DSCAM: variants seen among roughly 807,000 people sequenced by gnomAD.
The protein encoded by DSCAM is DS cell adhesion molecule.
In DSCAM, 47 loss-of-function variants were observed where a neutral mutation model predicts 217.7. The ratio of observed to expected loss-of-function variants is 0.22; its 90% CI spans 0.17 to 0.28. The LOEUF is 0.28. Among genes scored for constraint, DSCAM ranks in the 10% least tolerant of loss-of-function variants. The pLI, the probability that DSCAM is intolerant of heterozygous loss-of-function variation, is 1.00. For missense variants in DSCAM, 2,080 were observed against 2,618.3 expected, an observed-to-expected ratio of 0.79 and a Z score of 4.49; for synonymous variants, 1,056 against 1,015.3, an observed-to-expected ratio of 1.04 and a Z score of -0.76.
chr21:40,840,065 G>A (rs1398707356), intron 1 of DSCAM, among the ~76,000 whole-genome samples: 2 of 152,134 alleles, frequency 1.3e-5, no homozygotes, highest in Admixed American at 1.3e-4. Context: ...AAATAGAGAT[G>A]TCCAAAAATC....
chr21:40,842,350 T>G (rs2092109805), intron 1 of DSCAM, among the ~76,000 whole-genome samples: 1 of 152,228 alleles, frequency 6.6e-6, no homozygotes, highest in Non-Finnish European at 1.5e-5. Flanking sequence ...GAAGTGCTCA[T>G]TTCCGAAATA....
chr21:40,642,190 C>T (rs937107893), intron 3 of DSCAM, among the ~76,000 whole-genome samples: 1 of 152,082 alleles, frequency 6.6e-6, no homozygotes, highest in African/African-American at 2.4e-5. Flanking sequence ...GACTCCACAG[C>T]CCTGAAGGAA....
rs139696302 is a variant in DSCAM, at chr21:40,474,278, G to T, written c.509-105033C>A. Reference sequence around the variant, plus strand: ...ACTGCACTCTAGCCTGGGTGACAGAGTGAGACTCCGTCTTCAAAAATATAT... The same window carrying T: ...ACTGCACTCTAGCCTGGGTGACAGATTGAGACTCCGTCTTCAAAAATATAT... On this transcript the variant is annotated intron_variant, in intron 3 of 32. Coordinates refer to ENST00000400454, the MANE Select transcript of DSCAM (RefSeq NM_001389.5). 7.2e-3 allele frequency among the ~76,000 whole-genome samples: 1,100 copies of T among 151,840 alleles called. 12 individuals carry two copies. The highest frequency in any genetic ancestry group is 0.025 in the African/African-American group (1,045 of 41,368).
chr21:40,635,908 T>C (rs1404836832), intron 3 of DSCAM, among the ~76,000 whole-genome samples: 3 of 152,086 alleles, frequency 2.0e-5, no homozygotes, highest in Admixed American at 2.0e-4. Context: ...CAAAGTAAAC[T>C]CCTAAAAATT....
intron 3 of DSCAM, among the ~76,000 whole-genome samples, chr21:40,563,298 T>G (rs1478296318): frequency 6.6e-6 from 1 of 150,748 alleles, no homozygotes; most frequent in East Asian, 2.0e-4. Context: ...TCACCTGAGA[T>G]CAAGAGATCT....
chr21:40,584,768 T>C (rs1240889192), intron 3 of DSCAM, among the ~76,000 whole-genome samples: 1 of 152,050 alleles, frequency 6.6e-6, no homozygotes. Context: ...TTGTCAAAAA[T>C]CCATCTTGGT....
intron 3 of DSCAM, among the ~76,000 whole-genome samples, chr21:40,674,709 T>G (rs976374548): frequency 1.4e-5 from 2 of 146,292 alleles, no homozygotes; most frequent in Middle Eastern, 3.4e-3. Context: ...CTCGGCTCAC[T>G]GCAAGCTCCG....
intron 3 of DSCAM, among the ~76,000 whole-genome samples, chr21:40,433,420 A>G (rs8132731): frequency 0.71 from 107,066 of 150,738 alleles, 38,310 homozygotes; most frequent in Middle Eastern, 0.81. Flanking sequence ...CAGAAAGCAT[A>G]ACATCTGCCT....
At chr21:40,438,868 G>C (rs2075606820) in intron 3 of DSCAM, among the ~76,000 whole-genome samples, 1 of 152,140 alleles carries the variant, frequency 6.6e-6, no homozygotes, top group African/African-American at 2.4e-5. Flanking sequence ...GGGATGCCAA[G>C]CACACTGCCA....
chr21:40,407,508 G>A (rs1406440137), intron 3 of DSCAM, among the ~76,000 whole-genome samples: 1 of 152,184 alleles, frequency 6.6e-6, no homozygotes, highest in African/African-American at 2.4e-5. Flanking sequence ...CCCTTTGGAG[G>A]TCTTTCAAGC....
At chr21:40,119,895 C>T (rs969746507) in intron 20 of DSCAM, among the ~76,000 whole-genome samples, 1 of 151,936 alleles carries the variant, frequency 6.6e-6, no homozygotes, top group African/African-American at 2.4e-5. Flanking sequence ...CCAGATTCCA[C>T]GTTATACCAC....
At chr21:40,817,846 C>T (rs1247966584) in intron 1 of DSCAM, among the ~76,000 whole-genome samples, 10 of 151,626 alleles carry the variant, frequency 6.6e-5, no homozygotes, top group Admixed American at 6.6e-4. Context: ...CCTGTAATCC[C>T]AGCACTTTGG....
intron 3 of DSCAM, among the ~76,000 whole-genome samples, chr21:40,409,227 TA>T (rs913498945): frequency 8.6e-4 from 131 of 152,366 alleles, no homozygotes; most frequent in African/African-American, 3.0e-3. Context: ...TTTGTATTTT[TA>T]AATGTTACAT....
At chr21:40,251,504 A>T (rs529829524) in intron 11 of DSCAM, among the ~76,000 whole-genome samples, 2 of 152,188 alleles carry the variant, frequency 1.3e-5, no homozygotes, top group East Asian at 3.9e-4. Context: ...CCTTGTTTTA[A>T]TTTGGGATAG....
intron 9 of DSCAM, among the ~76,000 whole-genome samples, chr21:40,308,714 C>T (rs1049006794): frequency 2.0e-5 from 3 of 152,166 alleles, no homozygotes; most frequent in Non-Finnish European, 4.4e-5. Flanking sequence ...ACTTCATGCA[C>T]TTTGTTTTGT....
chr21:40,752,668 C>T (rs770986882), intron 1 of DSCAM, among the ~76,000 whole-genome samples: 1 of 152,042 alleles, frequency 6.6e-6, no homozygotes, highest in Admixed American at 6.6e-5. Context: ...GCCTGGGCAT[C>T]GGAGAAAGAC....
intron 15 of DSCAM, 27 bp from the exon 16 acceptor site, chr21:40,167,315 G>T (rs1349423394): frequency 8.1e-6 from 13 of 1,609,358 alleles, no homozygotes; most frequent in Admixed American, 1.7e-5. Flanking sequence ...CCCACAGGCA[G>T]GTTAGAGACG....
intron 3 of DSCAM, among the ~76,000 whole-genome samples, chr21:40,523,915 T>C (rs1050078634): frequency 1.3e-5 from 2 of 152,046 alleles, no homozygotes; most frequent in African/African-American, 4.8e-5. Context: ...TCCTGAAAGT[T>C]TGAGCAGTGA....
At chr21:40,671,450 T>C (rs1278897204) in intron 3 of DSCAM, among the ~76,000 whole-genome samples, 1 of 151,740 alleles carries the variant, frequency 6.6e-6, no homozygotes, top group Non-Finnish European at 1.5e-5. Flanking sequence ...CTGAGGTGGG[T>C]GGATCACGAG....
Sources: allele counts gnomAD v4.1 joint callset (sites outside exome capture counted in the v4.1 genomes callset), GRCh38; gene constraint gnomAD v4.1.1; transcripts MANE v1.5; gene names NCBI Gene and HGNC (gene_info 2026-07-23, HGNC 2026-07-21).